GSN: variants seen among roughly 807,000 people sequenced by gnomAD.
The protein encoded by GSN is actin-depolymerizing factor.
GSN carries 56 observed loss-of-function variants against 85.7 expected under a neutral mutation model. The observed-to-expected ratio is 0.65, with a 90% confidence interval of 0.53 to 0.82. GSN has a LOEUF of 0.82. GSN is among the 40% of genes least tolerant of loss of function. The pLI, the probability that GSN is intolerant of heterozygous loss-of-function variation, is 0.00. For synonymous variants in GSN, 373 were observed against 399.1 expected (o/e 0.93, Z 0.78); for missense variants, 857 against 979.8 (o/e 0.87, Z 1.67).
upstream of GSN, among the ~76,000 whole-genome samples, chr9:121,267,624 G>A (rs1283377272): frequency 1.9e-4 from 29 of 152,154 alleles, no homozygotes; most frequent in Non-Finnish European, 5.9e-5. Context: ...CCACTTTAAG[G>A]ACCAGGGATG....
intron 5 of GSN, among the ~76,000 whole-genome samples, chr9:121,236,836 C>T (rs2054504437): frequency 6.6e-6 from 1 of 152,196 alleles, no homozygotes; most frequent in South Asian, 2.1e-4. Context: ...AAAGCAGAAC[C>T]AAATCAGGGA....
At chr9:121,313,647 T>C (rs370891937) in intron 6 of GSN, 13 of 495,460 alleles carry the variant, frequency 2.6e-5, no homozygotes, top group East Asian at 2.6e-4. Flanking sequence ...TCAGTAGCTA[T>C]AGTTATCACA....
At chr9:121,247,296 G>C (rs868830619) in intron 5 of GSN, among the ~76,000 whole-genome samples, 3 of 152,064 alleles carry the variant, frequency 2.0e-5, no homozygotes, top group Non-Finnish European at 4.4e-5. Flanking sequence ...GTGCTCAAGG[G>C]CCCATCTACT....
At chr9:121,213,852 A>G (rs1036258145) in intron 4 of GSN, among the ~76,000 whole-genome samples, 1 of 152,180 alleles carries the variant, frequency 6.6e-6, no homozygotes, top group African/African-American at 2.4e-5. Flanking sequence ...CAAAATCCAT[A>G]AAACGATAAA....
At chr9:121,250,872 G>GGTGT (rs34623899) in intron 6 of GSN, among the ~76,000 whole-genome samples, 1,364 of 135,076 alleles carry the variant, frequency 0.01, 9 homozygotes, top group Non-Finnish European at 0.011. Context: ...GCCTGCTTGG[G>GGTGT]GTGTGTGTGT....
At chr9:121,270,521 A>G (rs1419349232) in intron 1 of GSN, among the ~76,000 whole-genome samples, 1 of 152,198 alleles carries the variant, frequency 6.6e-6, no homozygotes, top group African/African-American at 2.4e-5. Context: ...CCTGCTATAA[A>G]TTTCATCTAA....
chr9:121,220,852 T>A (rs545602934), intron 4 of GSN, among the ~76,000 whole-genome samples: 2 of 152,254 alleles, frequency 1.3e-5, no homozygotes, highest in Non-Finnish European at 2.9e-5. Flanking sequence ...TTTATTTTTA[T>A]GGAAATGAAG....
chr9:121,272,834 CTTCTT>C (rs2056171576), intron 1 of GSN, among the ~76,000 whole-genome samples: 1 of 152,198 alleles, frequency 6.6e-6, no homozygotes. Flanking sequence ...CTTACGTTCT[CTTCTT>C]TGAGTCTCAC....
intron 12 of GSN, among the ~76,000 whole-genome samples, chr9:121,325,877 G>T (rs2063093853): frequency 6.6e-6 from 1 of 152,098 alleles, no homozygotes; most frequent in Non-Finnish European, 1.5e-5. Context: ...TGGAGTTGGG[G>T]TCTAAGCCCT....
chr9:121,323,406 T>C (rs2062744769), intron 11 of GSN, among the ~76,000 whole-genome samples: 1 of 150,176 alleles, frequency 6.7e-6, no homozygotes, highest in African/African-American at 2.5e-5. Context: ...AGTCTTGCTC[T>C]GTCGCCAGGC....
rs189497483 is a variant in GSN at position 121,310,623 on chromosome 9, T to C, written c.352-61T>C. 367 of 1,542,536 alleles carry C rather than the reference T, an allele frequency of 2.4e-4. 1 individual carries two copies. In the East Asian group the frequency reaches 6.0e-3, roughly 25 times the overall value. On this transcript the variant is annotated intron_variant, in intron 4 of 17. Coordinates refer to ENST00000432226, the MANE Select transcript of GSN (RefSeq NM_198252.3). Reference sequence around the variant, plus strand: ...CCTTTACCTCAATTCTGTCCCCTTCTTCCATATCTGCTTCCCTGGGCCTTC... The same window carrying C: ...CCTTTACCTCAATTCTGTCCCCTTCCTCCATATCTGCTTCCCTGGGCCTTC...
intron 4 of GSN, among the ~76,000 whole-genome samples, chr9:121,306,541 G>T (rs940365518): frequency 2.0e-5 from 3 of 152,104 alleles, no homozygotes; most frequent in African/African-American, 7.2e-5. Context: ...CTCTCTGAAC[G>T]TATATAGGTA....
chr9:121,222,902 G>C (rs1252183757), intron 4 of GSN: 2 of 151,976 alleles, frequency 1.3e-5, no homozygotes, highest in African/African-American at 2.4e-5. Flanking sequence ...CTTGGGGGGG[G>C]GTCTTACACA....
At chr9:121,208,932 T>C (rs949788574) in intron 1 of GSN, among the ~76,000 whole-genome samples, 32 of 152,384 alleles carry the variant, frequency 2.1e-4, no homozygotes, top group African/African-American at 6.7e-4. Context: ...CAGTGGACCA[T>C]GAAATCTTTC....
intron 4 of GSN, among the ~76,000 whole-genome samples, chr9:121,212,094 C>A (rs1252074481): frequency 6.6e-6 from 1 of 152,144 alleles, no homozygotes; most frequent in East Asian, 1.9e-4. Context: ...TCTGTAGAGT[C>A]CCTTATATGG....
At chr9:121,206,541 CT>C (rs2053884018), upstream of GSN, among the ~76,000 whole-genome samples, 1 of 152,124 alleles carries the variant, frequency 6.6e-6, no homozygotes, top group Non-Finnish European at 1.5e-5. Flanking sequence ...ATACCACCCC[CT>C]CCCAAAAAAT....
In GSN at chr9:121,317,340, G is replaced by A; in HGVS notation, c.886+122G>A. The A allele has an allele frequency of 4.5e-6, 5 of 1,122,688 alleles. No individual in the cohort carries two copies. In the East Asian group the frequency reaches 9.4e-5, roughly 21 times the overall value. 69.5% of individuals were successfully genotyped at this position (1,122,688 alleles called of 1,614,324 possible). A position where few individuals can be genotyped will look rare whatever the true frequency, so the allele number is the denominator to read the frequency against. On this transcript the variant is annotated intron_variant, in intron 8 of 17. Transcript: ENST00000432226. ...GTGCCTGGTGCAATGGAAATCAGAA[G>A]TCTTGGGCTGAGGCCTTGGTTTTGC...
chr9:121,286,588 C>A, intron 2 of GSN: 1 of 1,486,906 alleles, frequency 6.7e-7, no homozygotes, highest in South Asian at 1.3e-5. Context: ...GTGCTCCCTC[C>A]TTTGTGCTCC....
intron 2 of GSN, chr9:121,286,734 A>C: frequency 6.5e-7 from 1 of 1,535,446 alleles, no homozygotes; most frequent in Admixed American, 2.0e-5. Context: ...CTGTCTGATG[A>C]GAGCTGATCT....
Sources: gnomAD v4.1 joint callset for allele counts (sites outside exome capture counted in the v4.1 genomes callset) on GRCh38, gnomAD v4.1.1 for gene constraint, MANE v1.5 for transcripts, NCBI Gene and HGNC (gene_info 2026-07-23, HGNC 2026-07-21) for gene names.